Variants in TRPS1 observed in about 807,000 individuals in gnomAD.
TRPS1 encodes zinc finger transcription factor Trps1.
In TRPS1, 6 loss-of-function variants were observed where a neutral mutation model predicts 101.2. The observed-to-expected ratio is 0.06, with a 90% CI of 0.03 to 0.12. TRPS1 has a LOEUF of 0.12. TRPS1 is among the 10% of genes least tolerant of loss of function. The pLI, the probability that TRPS1 is intolerant of heterozygous loss-of-function variation, is 1.00. For missense variants in TRPS1, 1,363 were observed against 1,567.0 expected (o/e 0.87, Z 2.20); for synonymous variants, 578 against 589.8 (o/e 0.98, Z 0.29).
chr8:115,586,861 C>T (rs1270812930), intron 5 of TRPS1, 140 bp downstream of exon 5: 1 of 1,464,154 alleles, frequency 6.8e-7, no homozygotes, highest in Admixed American at 1.8e-5. Context: ...GCCACTTTGG[C>T]CTTAGGAGTA....
intron 5 of TRPS1, among the ~76,000 whole-genome samples, chr8:115,564,435 C>T (rs1817018838): frequency 6.6e-6 from 1 of 151,922 alleles, no homozygotes; most frequent in Non-Finnish European, 1.5e-5. Context: ...CAAAACAAAA[C>T]AAAAACAATA....
Position 115,537,628 on chromosome 8 carries a change from A to G in TRPS1, c.2700+49373T>C, listed in dbSNP as rs1012215573. On this transcript the variant is annotated intron_variant, in intron 5 of 6. Transcript: ENST00000395715. Reference sequence around the variant, plus strand: ...CAAATTAGTCTCCTATAAAAAAAAGACATGTCCTGAGACTCCAAAATAAAT... The same window carrying G: ...CAAATTAGTCTCCTATAAAAAAAAGGCATGTCCTGAGACTCCAAAATAAAT... 2.6e-5 allele frequency among the ~76,000 whole-genome samples: 4 copies of G among 152,358 alleles called. 1 individual carries two copies. Among genetic ancestry groups the G allele is most frequent in the South Asian group, 4.1e-4 (2 of 4,834 alleles).
intron 5 of TRPS1, among the ~76,000 whole-genome samples, chr8:115,581,927 A>T (rs1281816931): frequency 6.6e-6 from 1 of 152,202 alleles, no homozygotes; most frequent in Non-Finnish European, 1.5e-5. Context: ...AGGATTTTTC[A>T]TCTCTGCATA....
intron 5 of TRPS1, among the ~76,000 whole-genome samples, chr8:115,475,174 T>A (rs1451620629): frequency 6.6e-6 from 1 of 150,954 alleles, no homozygotes; most frequent in Non-Finnish European, 1.5e-5. Context: ...AAAACACACA[T>A]CTAGTTATGT....
chr8:115,587,360 C>T lies in TRPS1; in HGVS notation c.2341G>A (p.Glu781Lys). The change falls in exon 5 of 7, where the codon GAG (glutamate) becomes AAG (lysine). Residue 781 changes from glutamate to lysine, a missense_variant. Coordinates refer to ENST00000395715, the MANE Select transcript of TRPS1 (RefSeq NM_014112.5). ...AGCCCGTCCTTCTCTTCCAGCTTCT[C>T]TCTCTTCACCACACTCTCAGAAACT... ...EPVSESVVKREKLEEKDGLKE... is the reference protein window; with the variant it reads ...EPVSESVVKRKKLEEKDGLKE... 6.2e-7 allele frequency: 1 copy of T among 1,614,234 alleles called. No individual in the cohort carries two copies. The highest frequency in any genetic ancestry group is 8.5e-7 in the Non-Finnish European group (1 of 1,180,030).
intron 1 of TRPS1, among the ~76,000 whole-genome samples, chr8:115,665,182 G>A (rs11774793): frequency 0.22 from 33,202 of 151,986 alleles, 6,473 homozygotes; most frequent in African/African-American, 0.52. Flanking sequence ...TTCAAATTTG[G>A]AATAAAGTTC....
chr8:115,535,781 C>CATATAT (rs371245255), intron 5 of TRPS1, among the ~76,000 whole-genome samples: 1 of 149,284 alleles, frequency 6.7e-6, no homozygotes, highest in African/African-American at 2.5e-5. Context: ...ATGAGACTGT[C>CATATAT]ATATATATAT....
At chr8:115,447,967 C>T (rs1813778182) in intron 5 of TRPS1, among the ~76,000 whole-genome samples, 1 of 152,028 alleles carries the variant, frequency 6.6e-6, no homozygotes, top group African/African-American at 2.4e-5. Flanking sequence ...CTTAGTAAGC[C>T]TCTGATGTCT....
chr8:115,557,597 G>A (rs2130358563), intron 5 of TRPS1, among the ~76,000 whole-genome samples: 1 of 152,166 alleles, frequency 6.6e-6, no homozygotes, highest in Middle Eastern at 3.4e-3. Flanking sequence ...TCTCTCTCCT[G>A]CTGCCTTGTG....
intron 5 of TRPS1, among the ~76,000 whole-genome samples, chr8:115,456,391 T>C (rs916780535): frequency 6.6e-6 from 1 of 152,196 alleles, no homozygotes; most frequent in Non-Finnish European, 1.5e-5. Flanking sequence ...CATTGCTTTT[T>C]TTCCTCAATT....
chr8:115,650,979 G>A (rs1811546853), intron 1 of TRPS1, among the ~76,000 whole-genome samples: 1 of 152,148 alleles, frequency 6.6e-6, no homozygotes, highest in Admixed American at 6.5e-5. Flanking sequence ...TCATCCTGAA[G>A]CCAAGACATA....
chr8:115,584,588 T>G (rs1817523171), intron 5 of TRPS1, among the ~76,000 whole-genome samples: 1 of 151,356 alleles, frequency 6.6e-6, no homozygotes, highest in Non-Finnish European at 1.5e-5. Context: ...TTATAGTACT[T>G]TTTTTTTGGC....
chr8:115,498,327 G>C (rs1386686000), intron 5 of TRPS1, among the ~76,000 whole-genome samples: 1 of 148,808 alleles, frequency 6.7e-6, no homozygotes, highest in Non-Finnish European at 1.5e-5. Flanking sequence ...GCAGTGAGCT[G>C]AGATCATGCC....
chr8:115,556,198 T>C (rs1185182942), intron 5 of TRPS1, among the ~76,000 whole-genome samples: 6 of 152,136 alleles, frequency 3.9e-5, no homozygotes, highest in Non-Finnish European at 7.4e-5. Context: ...TTGGCAATTA[T>C]TGCTTCCCCC....
At chr8:115,492,781 T>G (rs1054766991) in intron 5 of TRPS1, among the ~76,000 whole-genome samples, 3 of 152,180 alleles carry the variant, frequency 2.0e-5, no homozygotes, top group African/African-American at 7.2e-5. Flanking sequence ...TGGCAAGATC[T>G]CGGCTCACTG....
At chr8:115,662,477 G>A (rs1468854410) in intron 1 of TRPS1, among the ~76,000 whole-genome samples, 1 of 151,900 alleles carries the variant, frequency 6.6e-6, no homozygotes, top group Non-Finnish European at 1.5e-5. Context: ...CGAATGGGGC[G>A]GAGGGCCTTC....
At chr8:115,620,772 A>G (rs190088899) in intron 2 of TRPS1, among the ~76,000 whole-genome samples, 49 of 152,344 alleles carry the variant, frequency 3.2e-4, no homozygotes, top group African/African-American at 1.2e-3. Context: ...AGTCAGAAGA[A>G]AGACCTGCTA....
At chr8:115,575,233 T>A (rs939072629) in intron 5 of TRPS1, among the ~76,000 whole-genome samples, 1 of 152,106 alleles carries the variant, frequency 6.6e-6, no homozygotes, top group African/African-American at 2.4e-5. Context: ...GATAGACAGT[T>A]TTTCTAGGAC....
chr8:115,416,293 T>G (rs1812917397), intron 6 of TRPS1, among the ~76,000 whole-genome samples: 1 of 151,834 alleles, frequency 6.6e-6, no homozygotes, highest in African/African-American at 2.4e-5. Flanking sequence ...AAACTTTACT[T>G]GCAGTTGGAG....
Sources: gnomAD v4.1 joint callset for allele counts (sites outside exome capture counted in the v4.1 genomes callset) on GRCh38, gnomAD v4.1.1 for gene constraint, MANE v1.5 for transcripts, NCBI Gene and HGNC (gene_info 2026-07-23, HGNC 2026-07-21) for gene names.